Variants in FHIP1A observed in about 807,000 individuals in gnomAD.
FHIP1A encodes FHF complex subunit HOOK-interacting protein 1A.
Under a neutral mutation model 88.6 loss-of-function variants are expected in FHIP1A, and 61 were observed. That is an observed-to-expected ratio of 0.69 (90% confidence interval 0.56 to 0.85). The LOEUF (loss-of-function observed/expected upper bound fraction) is 0.85, where lower values mean the gene tolerates loss of function less well. Ranked by LOEUF, FHIP1A falls within the 40% of genes least tolerant of loss-of-function variation. The pLI, the probability that FHIP1A is intolerant of heterozygous loss-of-function variation, is 0.00. For missense variants in FHIP1A, 1,154 were observed against 1,273.5 expected, an observed-to-expected ratio of 0.91 and a Z score of 1.43; for synonymous variants, 478 against 496.0, an observed-to-expected ratio of 0.96 and a Z score of 0.48.
At chr4:151,428,868 C>T (rs921260228) in intron 1 of FHIP1A, among the ~76,000 whole-genome samples, 1 of 152,146 alleles carries the variant, frequency 6.6e-6, no homozygotes, top group Non-Finnish European at 1.5e-5. Flanking sequence ...ATCTCCACCT[C>T]AGCCACCTTG....
intron 1 of FHIP1A, among the ~76,000 whole-genome samples, chr4:151,448,709 G>A (rs1186302728): frequency 6.6e-6 from 1 of 152,118 alleles, no homozygotes; most frequent in Admixed American, 6.5e-5. Context: ...TCTATCGATG[G>A]GCACTTGGGT....
intron 7 of FHIP1A, among the ~76,000 whole-genome samples, chr4:151,589,435 A>G (rs575157041): frequency 6.6e-6 from 1 of 152,122 alleles, no homozygotes; most frequent in South Asian, 2.1e-4. Flanking sequence ...CATTAGCACA[A>G]CTGAATTTCT....
intron 1 of FHIP1A, among the ~76,000 whole-genome samples, chr4:151,419,603 A>C: frequency 1.5e-4 from 1 of 6,848 alleles, no homozygotes; most frequent in South Asian, 4.1e-3. Context: ...TTTTTTTTTT[A>C]TTATACTCTA....
At chr4:151,426,151 T>C (rs1183189075) in intron 1 of FHIP1A, among the ~76,000 whole-genome samples, 1 of 152,122 alleles carries the variant, frequency 6.6e-6, no homozygotes, top group Non-Finnish European at 1.5e-5. Context: ...TGAATCAAAA[T>C]TGGCAATCCA....
chr4:151,549,000 C>A (rs1296322390), intron 3 of FHIP1A, among the ~76,000 whole-genome samples: 1 of 152,180 alleles, frequency 6.6e-6, no homozygotes, highest in African/African-American at 2.4e-5. Flanking sequence ...ATGCAGGTAC[C>A]CTCTACTGTT....
At position 151,653,677 on chromosome 4, in the gene FHIP1A, C is replaced by A. The variant is rs571114099; in HGVS notation, c.2552-2555C>A. 3.9e-5 allele frequency among the ~76,000 whole-genome samples: 6 copies of A among 152,126 alleles called. No individual in the cohort carries two copies. In the South Asian group the frequency reaches 1.2e-3, roughly 32 times the overall value. On this transcript the variant is annotated intron_variant, in intron 11 of 13. Coordinates refer to ENST00000435205, the MANE Select transcript of FHIP1A (RefSeq NM_001109977.3). The stretch of plus-strand genomic sequence containing the variant: ...GAAATGCTGTTGCTGGAGTCCAGAC[C>A]GGAAATGAGACTGACCTTAGGCAGT...
At chr4:151,431,593 G>A (rs1733595356) in intron 1 of FHIP1A, among the ~76,000 whole-genome samples, 1 of 152,128 alleles carries the variant, frequency 6.6e-6, no homozygotes, top group Non-Finnish European at 1.5e-5. Flanking sequence ...TGTGGCTTCA[G>A]GAAGTCTTAG....
intron 3 of FHIP1A, among the ~76,000 whole-genome samples, chr4:151,560,298 A>C (rs1733121141): frequency 6.6e-6 from 1 of 152,216 alleles, no homozygotes; most frequent in Admixed American, 6.5e-5. Context: ...GATTTAAAGC[A>C]CTGGGTGGGG....
chr4:151,438,605 CTT>C (rs200467402), intron 1 of FHIP1A, among the ~76,000 whole-genome samples: 43 of 132,430 alleles, frequency 3.2e-4, no homozygotes, highest in East Asian at 2.1e-3. Context: ...CGGTTTTTGC[CTT>C]TTTTTTTTTT....
chr4:151,417,494 G>A (rs1044898670), intron 1 of FHIP1A, among the ~76,000 whole-genome samples: 2 of 152,200 alleles, frequency 1.3e-5, no homozygotes, highest in African/African-American at 2.4e-5. Flanking sequence ...AGCCTGATTG[G>A]TTTTGGGAGG....
At chr4:151,523,040 C>T (rs542841199) in intron 3 of FHIP1A, among the ~76,000 whole-genome samples, 22 of 152,276 alleles carry the variant, frequency 1.4e-4, no homozygotes, top group Non-Finnish European at 3.1e-4. Context: ...AATAATTGAT[C>T]AGGCCCTGGC....
At chr4:151,448,575 C>T (rs1294581497) in intron 1 of FHIP1A, among the ~76,000 whole-genome samples, 1 of 152,222 alleles carries the variant, frequency 6.6e-6, no homozygotes, top group African/African-American at 2.4e-5. Context: ...CCTTTTGTGA[C>T]TGGCTTATTT....
At chr4:151,505,945 T>C (rs1294273392) in intron 3 of FHIP1A, among the ~76,000 whole-genome samples, 1 of 152,142 alleles carries the variant, frequency 6.6e-6, no homozygotes, top group African/African-American at 2.4e-5. Context: ...TTTCTTGAGA[T>C]AGGGTCTTGC....
chr4:151,557,949 G>T (rs1733017867), intron 3 of FHIP1A, among the ~76,000 whole-genome samples: 1 of 152,134 alleles, frequency 6.6e-6, no homozygotes, highest in Admixed American at 6.5e-5. Flanking sequence ...AGTGTATGTT[G>T]TTCTATATAT....
rs191204298 is a variant in FHIP1A, at chr4:151,627,268, A to T, written c.979-2434A>T. On this transcript the variant is annotated intron_variant, in intron 7 of 13. Coordinates refer to ENST00000435205, the MANE Select transcript of FHIP1A (RefSeq NM_001109977.3). ...AATGACAGCTTTGATTTCTAAAAAG[A>T]AATGAAATATTTTCATTTATCCAGC... is the stretch of plus-strand genomic sequence containing the variant. Among the ~76,000 whole-genome samples, 613 of 152,344 alleles carry T rather than the reference A, an allele frequency of 4.0e-3. 4 individuals are homozygous for T. The highest frequency in any genetic ancestry group is 0.014 in the African/African-American group (578 of 41,582).
At chr4:151,410,301 T>C (rs1450404587) in intron 1 of FHIP1A, among the ~76,000 whole-genome samples, 1 of 152,194 alleles carries the variant, frequency 6.6e-6, no homozygotes, top group Admixed American at 6.5e-5. Context: ...GAAACCCCCC[T>C]GAAGGGAAAG....
chr4:151,519,778 T>C (rs984474751), intron 3 of FHIP1A, among the ~76,000 whole-genome samples: 3 of 152,100 alleles, frequency 2.0e-5, no homozygotes, highest in Non-Finnish European at 1.5e-5. Flanking sequence ...CCACTCATAA[T>C]GTATAAGAAT....
At chr4:151,551,722 A>G (rs1426570328) in intron 3 of FHIP1A, among the ~76,000 whole-genome samples, 3 of 152,242 alleles carry the variant, frequency 2.0e-5, no homozygotes, top group African/African-American at 4.8e-5. Context: ...ATCTAAAACC[A>G]TAAAAGCCCT....
rs1185714576 is a variant in FHIP1A at position 151,441,869 on chromosome 4, T to C, written c.-355-12832T>C. ...GAAATTTTATGTGGCTTTCTAATTT[T>C]TCAGGCTGATGAAAGAACTGAGGAC... On this transcript the variant is annotated intron_variant, in intron 1 of 13. Coordinates refer to ENST00000435205, the MANE Select transcript of FHIP1A (RefSeq NM_001109977.3). 2.0e-5 allele frequency among the ~76,000 whole-genome samples: 3 copies of C among 152,208 alleles called. No homozygotes were observed. The East Asian group carries it at 5.8e-4, about 29-fold the overall frequency.
Sources: allele counts gnomAD v4.1 joint callset (sites outside exome capture counted in the v4.1 genomes callset), GRCh38; gene constraint gnomAD v4.1.1; transcripts MANE v1.5; gene names NCBI Gene and HGNC (gene_info 2026-07-23, HGNC 2026-07-21).